Variants in ASRGL1 observed in about 807,000 individuals in gnomAD.
The protein encoded by ASRGL1 is isoaspartyl peptidase/L-asparaginase.
In ASRGL1, 16 loss-of-function variants were observed where a neutral mutation model predicts 22.4. The ratio of observed to expected loss-of-function variants is 0.71; its 90% CI spans 0.48 to 1.08. ASRGL1 has a LOEUF of 1.08. Among genes scored for constraint, ASRGL1 ranks in the 50% least tolerant of loss-of-function variants. The pLI, the probability that ASRGL1 is intolerant of heterozygous loss-of-function variation, is 0.00. For missense variants in ASRGL1, 412 were observed against 410.1 expected, an observed-to-expected ratio of 1.00 and a Z score of -0.04; for synonymous variants, 165 against 159.3, an observed-to-expected ratio of 1.04 and a Z score of -0.27.
chr11:62,339,197 AACGT>A (rs1945806283), intron 2 of ASRGL1, among the ~76,000 whole-genome samples: 1 of 152,232 alleles, frequency 6.6e-6, no homozygotes, highest in South Asian at 2.1e-4. Context: ...ATGGCGAAGA[AACGT>A]AATTTGGGGT....
intron 2 of ASRGL1, among the ~76,000 whole-genome samples, chr11:62,343,655 G>A (rs1385466401): frequency 1.3e-5 from 2 of 148,438 alleles, no homozygotes. Flanking sequence ...TTGAACCTGG[G>A]AGGCAGAGGT....
chr11:62,372,905 G>A, intron 4 of ASRGL1: 3 of 1,586,746 alleles, frequency 1.9e-6, no homozygotes, highest in East Asian at 4.5e-5. Flanking sequence ...GGAGAATCTG[G>A]AGCCTGGCTT....
At chr11:62,364,407 T>C (rs1946560751) in intron 4 of ASRGL1, among the ~76,000 whole-genome samples, 1 of 151,802 alleles carries the variant, frequency 6.6e-6, no homozygotes, top group South Asian at 2.1e-4. Flanking sequence ...CATAGCTTTT[T>C]AATATTTTTC....
intron 4 of ASRGL1, among the ~76,000 whole-genome samples, chr11:62,375,129 G>A (rs1043640118): frequency 6.6e-6 from 1 of 152,046 alleles, no homozygotes; most frequent in African/African-American, 2.4e-5. Context: ...AGCAGGAAAG[G>A]GATCTTCAAA....
intron 2 of ASRGL1, among the ~76,000 whole-genome samples, chr11:62,342,019 A>C (rs146711743): frequency 7.5e-4 from 114 of 152,348 alleles, no homozygotes; most frequent in East Asian, 7.3e-3. Context: ...TACACTTGTC[A>C]GCAGTTTTGT....
At chr11:62,371,129 C>A (rs768430366) in intron 4 of ASRGL1, 163 of 998,724 alleles carry the variant, frequency 1.6e-4, no homozygotes, top group Non-Finnish European at 2.1e-4. Context: ...CAACCAGCCG[C>A]AACCATGCCC....
downstream of ASRGL1, among the ~76,000 whole-genome samples, chr11:62,394,449 A>C (rs1947407071): frequency 6.6e-6 from 1 of 151,208 alleles, no homozygotes; most frequent in Admixed American, 6.6e-5. Context: ...ATACACTCAC[A>C]TGCTGAGGTA....
chr11:62,391,911 A>G (rs1947349120), intron 6 of ASRGL1, 168 bp from the exon 7 acceptor site: 5 of 813,294 alleles, frequency 6.1e-6, no homozygotes. Flanking sequence ...GGCTGATGCT[A>G]GGGCGCTGTC....
At chr11:62,340,136 G>A (rs1246755538) in intron 2 of ASRGL1, among the ~76,000 whole-genome samples, 1 of 151,988 alleles carries the variant, frequency 6.6e-6, no homozygotes, top group Non-Finnish European at 1.5e-5. Context: ...GAGCGTGGTG[G>A]CACAAGCCTG....
At chr11:62,398,168 G>T (rs1947452911), downstream of ASRGL1, among the ~76,000 whole-genome samples, 1 of 152,144 alleles carries the variant, frequency 6.6e-6, no homozygotes. Flanking sequence ...GGGAAATATG[G>T]GTTGTGCCAA....
intron 4 of ASRGL1, among the ~76,000 whole-genome samples, chr11:62,363,086 A>C (rs1339746781): frequency 6.7e-6 from 1 of 150,146 alleles, no homozygotes; most frequent in Non-Finnish European, 1.5e-5. Flanking sequence ...GGCGCCCGCC[A>C]CCACGCCCGG....
At position 62,340,510 on chromosome 11, in the gene ASRGL1, C is replaced by T. The variant is rs1450949581; in HGVS notation, c.190+2343C>T. Among the ~76,000 whole-genome samples the T allele has an allele frequency of 3.9e-5, 6 of 152,140 alleles. No homozygotes were observed. The East Asian group carries it at 5.8e-4, about 15-fold the overall frequency. On this transcript the variant is annotated intron_variant, in intron 2 of 6. Transcript: ENST00000415229. ...ATTTGAAATGGGTCATTCTGGTTTC[C>T]GACCATCTCTTATTCTAACAATTTG...
intron 4 of ASRGL1, among the ~76,000 whole-genome samples, chr11:62,368,168 A>G (rs1214445995): frequency 6.6e-6 from 1 of 152,080 alleles, no homozygotes; most frequent in African/African-American, 2.4e-5. Flanking sequence ...TATTGTTTTA[A>G]TTGTATTATT....
downstream of ASRGL1, among the ~76,000 whole-genome samples, chr11:62,394,475 T>G (rs571313971): frequency 6.6e-6 from 1 of 151,468 alleles, no homozygotes; most frequent in Non-Finnish European, 1.5e-5. Context: ...GGTTAGGGCT[T>G]CAGCATGTGA....
chr11:62,346,080 C>T (rs1946013211), intron 2 of ASRGL1, among the ~76,000 whole-genome samples: 1 of 152,122 alleles, frequency 6.6e-6, no homozygotes, highest in Admixed American at 6.5e-5. Flanking sequence ...AGTCCAATCC[C>T]ACAGGTTCAG....
intron 4 of ASRGL1, among the ~76,000 whole-genome samples, chr11:62,365,067 C>CAAA (rs771170549): frequency 1.2e-5 from 1 of 82,074 alleles, no homozygotes. Flanking sequence ...AACTCCATCT[C>CAAA]AAAAAAAAAA....
At chr11:62,374,018 A>T (rs1946848434) in intron 4 of ASRGL1, among the ~76,000 whole-genome samples, 1 of 152,170 alleles carries the variant, frequency 6.6e-6, no homozygotes, top group Non-Finnish European at 1.5e-5. Context: ...CCAGCAGTCA[A>T]ATGCATTCTC....
At chr11:62,365,017 C>T (rs776876897) in intron 4 of ASRGL1, among the ~76,000 whole-genome samples, 13 of 149,396 alleles carry the variant, frequency 8.7e-5, no homozygotes, top group East Asian at 2.0e-4. Context: ...TGCAGTGAGC[C>T]GAGACCACGC....
At chr11:62,346,476 G>A (rs1946025491) in intron 2 of ASRGL1, among the ~76,000 whole-genome samples, 1 of 152,158 alleles carries the variant, frequency 6.6e-6, no homozygotes, top group Non-Finnish European at 1.5e-5. Flanking sequence ...ACAAACGTAA[G>A]AAGCCATGTT....
Sources: allele counts gnomAD v4.1 joint callset (sites outside exome capture counted in the v4.1 genomes callset), GRCh38; gene constraint gnomAD v4.1.1; transcripts MANE v1.5; gene names NCBI Gene and HGNC (gene_info 2026-07-23, HGNC 2026-07-21).